The following TNRC6C variants were observed in gnomAD, a reference collection of about 807,000 sequenced individuals.
TNRC6C encodes the protein trinucleotide repeat-containing gene 6C protein.
Under a neutral mutation model 153.7 loss-of-function variants are expected in TNRC6C, and 20 were observed. The ratio of observed to expected loss-of-function variants is 0.13; its 90% CI spans 0.09 to 0.19. TNRC6C has a LOEUF of 0.19. Ranked by LOEUF, TNRC6C falls within the 10% of genes least tolerant of loss-of-function variation. TNRC6C has a pLI of 1.00. For missense variants in TNRC6C, 1,987 were observed against 2,172.0 expected, an observed-to-expected ratio of 0.91 and a Z score of 1.69; for synonymous variants, 811 against 841.4, an observed-to-expected ratio of 0.96 and a Z score of 0.63.
chr17:77,983,938 A>G (rs1460765214), intron 1 of TNRC6C, among the ~76,000 whole-genome samples: 2 of 152,192 alleles, frequency 1.3e-5, no homozygotes, highest in Non-Finnish European at 2.9e-5. Flanking sequence ...AGGTGAGAAC[A>G]TGTTCATTTA....
At chr17:77,978,098 C>T (rs1170626390) in intron 1 of TNRC6C, among the ~76,000 whole-genome samples, 2 of 151,902 alleles carry the variant, frequency 1.3e-5, no homozygotes, top group Non-Finnish European at 2.9e-5. Flanking sequence ...GGGGTTTCAC[C>T]ATGTTAGCCA....
intron 1 of TNRC6C, among the ~76,000 whole-genome samples, chr17:77,976,864 G>A (rs2071005297): frequency 6.9e-6 from 1 of 144,344 alleles, no homozygotes. Context: ...AGGTGGTGGA[G>A]GTTGCAGTGA....
intron 1 of TNRC6C, among the ~76,000 whole-genome samples, chr17:77,986,150 C>G (rs2071163773): frequency 6.6e-6 from 1 of 152,162 alleles, no homozygotes; most frequent in Non-Finnish European, 1.5e-5. Context: ...GGCACAGTGG[C>G]TCACACCTGT....
At chr17:78,064,323 C>T (rs1216878244) in intron 3 of TNRC6C, among the ~76,000 whole-genome samples, 1 of 152,122 alleles carries the variant, frequency 6.6e-6, no homozygotes, top group Non-Finnish European at 1.5e-5. Context: ...TCTCGAACTC[C>T]TGACCTTAAG....
chr17:78,062,593 CT>C (rs1327930240), intron 3 of TNRC6C, among the ~76,000 whole-genome samples: 1 of 152,186 alleles, frequency 6.6e-6, no homozygotes, highest in Non-Finnish European at 1.5e-5. Context: ...CTGATACAAG[CT>C]GTCAACATAT....
chr17:78,083,136 G>T, exon 11 of TNRC6C: 1 of 1,613,928 alleles, frequency 6.2e-7, no homozygotes. Flanking sequence ...AACATATGAC[G>T]ATGTTGAACC....
At position 78,052,805 on chromosome 17, in the gene TNRC6C, G is replaced by C. The variant is rs1296507280; in HGVS notation, c.2395+1348G>C. On this transcript the variant is annotated intron_variant, in intron 3 of 19. Coordinates refer to ENST00000301624, the Ensembl canonical transcript of TNRC6C. ...GCTGCCACATCAGGAATCCTTTATG[G>C]ATCCTCAAGACAGTTTTAGCCTCCA... Among the ~76,000 whole-genome samples, 7 of 152,084 alleles carry C rather than the reference G, an allele frequency of 4.6e-5. 1 individual carries two copies. The highest frequency in any genetic ancestry group is 1.0e-4 in the Non-Finnish European group (7 of 68,012).
rs1598761100 is a variant in TNRC6C, at chr17:78,075,157, T to C, written c.2939T>C (p.Val980Ala). 1 of 1,613,432 alleles carries C rather than the reference T, an allele frequency of 6.2e-7. No homozygotes were observed. The highest frequency in any genetic ancestry group is 1.1e-5 in the South Asian group (1 of 90,894). The change falls in exon 8 of 20, where the codon GTG (valine) becomes GCG (alanine). Residue 980 changes from valine (V) to alanine (A), a missense_variant. Physicochemically the swap from Val to Ala is moderately conservative, Grantham distance 64 (BLOSUM62 0). Around this residue, in one of 4 missense-constraint regions of TNRC6C, gnomAD observed 765 missense variants for 908.6 expected, o/e 0.84. Coordinates refer to ENST00000301624, the Ensembl canonical transcript of TNRC6C. This position sits in a 1 kb window ranked among gnomAD's most constrained non-coding sequence, Gnocchi z 4.2. Reference sequence around the variant, plus strand: ...CCAGGCGCTCTGCTGGAAAAGAAGGTGGACGTGGACAAGCGTGGGCTGGGA... The same window carrying C: ...CCAGGCGCTCTGCTGGAAAAGAAGGCGGACGTGGACAAGCGTGGGCTGGGA...
chr17:78,079,262 T>G lies in TNRC6C; in HGVS notation c.3211-133T>G. The G allele has an allele frequency of 2.2e-6, 3 of 1,343,770 alleles. No homozygotes were observed. Among genetic ancestry groups the G allele is most frequent in the Non-Finnish European group, 3.0e-6 (3 of 988,480 alleles). 83.2% of individuals were successfully genotyped at this position (1,343,770 alleles called of 1,614,324 possible). A position where few individuals can be genotyped will look rare whatever the true frequency, so the allele number is the denominator to read the frequency against. ...AGACTCTGTCTCAAAAAAATTCTCT[T>G]GGGTACAAGTTGACAGTGGTAGGAA... On this transcript the variant is annotated intron_variant, in intron 9 of 19. Coordinates refer to ENST00000301624, the Ensembl canonical transcript of TNRC6C. This position sits in a 1 kb window ranked among gnomAD's most constrained non-coding sequence, Gnocchi z 4.3.
intron 1 of TNRC6C, among the ~76,000 whole-genome samples, chr17:77,973,004 C>G (rs559205487): frequency 2.0e-5 from 3 of 152,368 alleles, no homozygotes; most frequent in South Asian, 4.1e-4. Context: ...CTCCCAGGTT[C>G]AAGCGATTCT....
In TNRC6C at chr17:78,079,268, C is replaced by T; in HGVS notation, c.3211-127C>T. 1 of 1,382,934 alleles carries T rather than the reference C, an allele frequency of 7.2e-7. No individual in the cohort carries two copies. Among genetic ancestry groups the T allele is most frequent in the East Asian group, 2.4e-5 (1 of 42,316 alleles). 85.7% of individuals were successfully genotyped at this position (1,382,934 alleles called of 1,614,324 possible). The stretch of plus-strand genomic sequence containing the variant: ...TGTCTCAAAAAAATTCTCTTGGGTA[C>T]AAGTTGACAGTGGTAGGAAGTAGAA... On this transcript the variant is annotated intron_variant, in intron 9 of 19. Coordinates refer to ENST00000301624, the Ensembl canonical transcript of TNRC6C. This position sits in a 1 kb window ranked among gnomAD's most constrained non-coding sequence, Gnocchi z 4.3.
intron 7 of TNRC6C, among the ~76,000 whole-genome samples, chr17:78,074,635 T>C (rs1447479945): frequency 6.6e-6 from 1 of 152,160 alleles, no homozygotes; most frequent in South Asian, 2.1e-4. Context: ...CCCCCACATC[T>C]GGAAGAATAC....
At chr17:78,032,672 A>T (rs1282453296) in intron 2 of TNRC6C, among the ~76,000 whole-genome samples, 1 of 152,218 alleles carries the variant, frequency 6.6e-6, no homozygotes, top group African/African-American at 2.4e-5. Flanking sequence ...TAGATGTGCA[A>T]GGAGGCTTCT....
intron 2 of TNRC6C, among the ~76,000 whole-genome samples, chr17:78,042,779 A>ATGGTGG (rs779548021): frequency 6.6e-6 from 1 of 151,360 alleles, no homozygotes; most frequent in Non-Finnish European, 1.5e-5. Context: ...GGTGGTGCTG[A>ATGGTGG]TGGTGGTGGT....
intron 1 of TNRC6C, among the ~76,000 whole-genome samples, chr17:77,999,060 G>A (rs867142584): frequency 2.0e-5 from 3 of 152,186 alleles, no homozygotes; most frequent in African/African-American, 4.8e-5. Context: ...TGTTGACATC[G>A]TAGTTCAGAT....
intron 1 of TNRC6C, among the ~76,000 whole-genome samples, chr17:77,982,797 C>T (rs1275464703): frequency 1.3e-5 from 2 of 152,154 alleles, no homozygotes; most frequent in Non-Finnish European, 2.9e-5. Flanking sequence ...TGCCACTGCA[C>T]TCCAGCCTGG....
chr17:78,055,389 G>A (rs149227172), intron 3 of TNRC6C, among the ~76,000 whole-genome samples: 13 of 152,306 alleles, frequency 8.5e-5, no homozygotes, highest in African/African-American at 3.1e-4. Flanking sequence ...ACATAGTCTT[G>A]TATCAGCATC....
At chr17:78,043,899 A>G (rs1234995481) in intron 2 of TNRC6C, among the ~76,000 whole-genome samples, 6 of 152,124 alleles carry the variant, frequency 3.9e-5, no homozygotes, top group Non-Finnish European at 8.8e-5. Context: ...ACAGGATCTT[A>G]TTCTTTTTAT....
intron 1 of TNRC6C, among the ~76,000 whole-genome samples, chr17:77,959,871 G>A (rs2070847472): frequency 6.6e-6 from 1 of 152,170 alleles, no homozygotes; most frequent in Non-Finnish European, 1.5e-5. Context: ...GCTTTAAGCG[G>A]TGCCTCCTTT....
Sources: gnomAD v4.1 joint callset for allele counts (sites outside exome capture counted in the v4.1 genomes callset) on GRCh38, gnomAD v4.1.1 for gene constraint, gnomAD v4.1.1 regional missense constraint, Gnocchi (gnomAD v3.1) non-coding constraint, MANE v1.5 for transcripts, NCBI Gene and HGNC (gene_info 2026-07-23, HGNC 2026-07-21) for gene names.